ABCA9: variants seen among roughly 807,000 people sequenced by gnomAD.
The protein encoded by ABCA9 is ATP binding cassette subfamily A member 9, also known as ATP-binding cassette sub-family A member 9.
In ABCA9, 183 loss-of-function variants were observed where a neutral mutation model predicts 205.3. The observed-to-expected ratio is 0.89, with a 90% CI of 0.79 to 1.01. The LOEUF (loss-of-function observed/expected upper bound fraction) is 1.01. Ranked by LOEUF, ABCA9 falls within the 50% of genes least tolerant of loss-of-function variation. The probability of loss-of-function intolerance (pLI) is 0.00; values close to 1 mark genes in which losing one functional copy is unlikely to be tolerated. For synonymous variants in ABCA9, 651 were observed against 683.3 expected, an observed-to-expected ratio of 0.95 and a Z score of 0.74; for missense variants, 1,805 against 1,912.4, an observed-to-expected ratio of 0.94 and a Z score of 1.05.
chr17:69,055,729 A>C (rs545502962), intron 1 of ABCA9, among the ~76,000 whole-genome samples: 1 of 152,310 alleles, frequency 6.6e-6, no homozygotes, highest in South Asian at 2.1e-4. Context: ...TCTCATGCTC[A>C]CATGGAACGC....
the ABCA9 span, among the ~76,000 whole-genome samples, chr17:69,073,738 A>C: frequency 2.6e-5 from 4 of 152,338 alleles, 1 homozygote; most frequent in South Asian, 8.3e-4. Context: ...AAGACAAGAA[A>C]TAACTAAGAT....
intron 22 of ABCA9, 141 bp downstream of exon 22, chr17:69,016,112 A>G (rs2070593036): frequency 1.5e-5 from 4 of 267,752 alleles, no homozygotes; most frequent in Admixed American, 6.4e-5. Flanking sequence ...GTATATATAT[A>G]TATATATATA....
the ABCA9 span, among the ~76,000 whole-genome samples, chr17:69,068,029 C>A: frequency 6.6e-6 from 1 of 152,154 alleles, no homozygotes; most frequent in African/African-American, 2.4e-5. Flanking sequence ...GGCACTAATT[C>A]TTTCTGTATT....
chr17:69,069,295 G>A, the ABCA9 span, among the ~76,000 whole-genome samples: 3 of 152,282 alleles, frequency 2.0e-5, no homozygotes, highest in Non-Finnish European at 2.9e-5. Context: ...TTGGTAGGAC[G>A]GAATGCATAA....
intron 22 of ABCA9, among the ~76,000 whole-genome samples, chr17:69,013,762 A>G (rs1009120272): frequency 5.3e-5 from 8 of 152,100 alleles, no homozygotes; most frequent in Admixed American, 5.2e-4. Context: ...GTGCTGTAGG[A>G]CACTCCGATA....
At chr17:69,065,044 C>T (rs1598427799), upstream of ABCA9, among the ~76,000 whole-genome samples, 2 of 152,162 alleles carry the variant, frequency 1.3e-5, no homozygotes, top group Admixed American at 6.5e-5. Flanking sequence ...TTTTGGTACT[C>T]GTAAGTTTGA....
intron 37 of ABCA9, among the ~76,000 whole-genome samples, chr17:68,978,374 GA>G (rs1417314643): frequency 6.6e-6 from 1 of 152,116 alleles, no homozygotes; most frequent in Non-Finnish European, 1.5e-5. Flanking sequence ...CTGCATGTGA[GA>G]TGGGTTTCCT....
At position 69,023,051 on chromosome 17, in the gene ABCA9, T is replaced by C. The variant is rs776810283; in HGVS notation, c.2281+1163A>G. 2.6e-5 allele frequency: 4 copies of C among 152,238 alleles called. No individual in the cohort carries two copies. Among genetic ancestry groups the C allele is most frequent in the Non-Finnish European group, 4.4e-5 (3 of 68,040 alleles). 9.4% of individuals were successfully genotyped at this position (152,238 alleles called of 1,614,324 possible). A position where few individuals can be genotyped will look rare whatever the true frequency, so the allele number is the denominator to read the frequency against. The stretch of plus-strand genomic sequence containing the variant: ...TATAAGGATACATATCTCAAAGATA[T>C]TGTGTATGCACTGTGAACCATTATT... On this transcript the variant is annotated intron_variant, in intron 17 of 38. Coordinates refer to ENST00000340001, the MANE Select transcript of ABCA9 (RefSeq NM_080283.4). This position sits in a 1 kb window ranked among gnomAD's most constrained non-coding sequence, Gnocchi z 4.2.
At chr17:69,019,620 C>T (rs2070747946) in intron 19 of ABCA9, among the ~76,000 whole-genome samples, 1 of 152,090 alleles carries the variant, frequency 6.6e-6, no homozygotes, top group Admixed American at 6.6e-5. Flanking sequence ...TGTCTGATTT[C>T]TTTTGATATA....
chr17:69,073,853 G>A, the ABCA9 span, among the ~76,000 whole-genome samples: 6 of 151,960 alleles, frequency 3.9e-5, no homozygotes, highest in South Asian at 2.1e-4. Context: ...CATACCACCC[G>A]GCTAACTTTT....
intron 26 of ABCA9, among the ~76,000 whole-genome samples, chr17:68,994,545 C>T (rs560352126): frequency 1.1e-4 from 16 of 152,246 alleles, no homozygotes; most frequent in Middle Eastern, 3.4e-3. Flanking sequence ...TAATGACCTA[C>T]GTTCTGAAAT....
chr17:69,013,982 G>A (rs995118945), intron 22 of ABCA9, among the ~76,000 whole-genome samples: 5 of 152,142 alleles, frequency 3.3e-5, no homozygotes, highest in Admixed American at 6.5e-5. Context: ...CCAATATTCT[G>A]TAGTGAAGAC....
At chr17:69,027,529 G>A in intron 13 of ABCA9, 80 bp from the exon 14 acceptor site, 3 of 1,559,954 alleles carry the variant, frequency 1.9e-6, no homozygotes, top group Non-Finnish European at 2.6e-6. Context: ...TCTTTACAAA[G>A]GGCCTTTTTG....
At chr17:68,991,952 C>G (rs2069466699) in intron 28 of ABCA9, among the ~76,000 whole-genome samples, 1 of 152,122 alleles carries the variant, frequency 6.6e-6, no homozygotes, top group Non-Finnish European at 1.5e-5. Context: ...AAATTATGGT[C>G]TGCCTTAATT....
At chr17:69,066,540 C>T in the ABCA9 span, among the ~76,000 whole-genome samples, 11 of 150,574 alleles carry the variant, frequency 7.3e-5, no homozygotes, top group African/African-American at 2.4e-4. Flanking sequence ...GCAGGAGAAA[C>T]GCAGTAACAG....
At chr17:69,016,123 T>TATACAC (rs1270372994) in intron 22 of ABCA9, 130 bp downstream of exon 22, 14 of 106,914 alleles carry the variant, frequency 1.3e-4, no homozygotes, top group Admixed American at 2.8e-4. Flanking sequence ...TATATATATA[T>TATACAC]ACACACACAC....
chr17:69,063,893 A>G (rs2072314726), upstream of ABCA9, among the ~76,000 whole-genome samples: 5 of 152,322 alleles, frequency 3.3e-5, no homozygotes, highest in South Asian at 8.3e-4. Context: ...TTAAAAATGT[A>G]ATAAATTCTA....
At position 69,018,560 on chromosome 17, in the gene ABCA9, T is replaced by G. The variant is rs1196358658; in HGVS notation, c.2620A>C (p.Ser874Arg). The G allele has an allele frequency of 6.3e-7, 1 of 1,594,162 alleles. No homozygotes were observed. Among genetic ancestry groups the G allele is most frequent in the Non-Finnish European group, 8.5e-7 (1 of 1,173,684 alleles). ...LWTILLLFGI[S>R]FIPQLLEHLF... ...TGTTCCAAAAGTTGAGGGATAAAGC[T>G]AATACCAAAAAGCAATAATCTATGC... The change falls in exon 20 of 39, where the codon AGC becomes CGC. Residue 874 changes from serine (S) to arginine (R), a missense_variant. Coordinates refer to ENST00000340001, the MANE Select transcript of ABCA9 (RefSeq NM_080283.4).
At chr17:68,983,455 T>C (rs1287603896) in intron 36 of ABCA9, among the ~76,000 whole-genome samples, 1 of 152,184 alleles carries the variant, frequency 6.6e-6, no homozygotes, top group Non-Finnish European at 1.5e-5. Context: ...CCTAAGTGCA[T>C]GCATGCATCA....
Sources: allele counts gnomAD v4.1 joint callset (sites outside exome capture counted in the v4.1 genomes callset), GRCh38; gene constraint gnomAD v4.1.1; non-coding constraint Gnocchi (gnomAD v3.1); transcripts MANE v1.5; gene names NCBI Gene and HGNC (gene_info 2026-07-23, HGNC 2026-07-21).